The following FBXL17 variants were observed in gnomAD, a reference collection of about 807,000 sequenced individuals.
FBXL17 encodes the protein F-box/LRR-repeat protein 17.
FBXL17 carries 22 observed loss-of-function variants against 66.2 expected under a neutral mutation model. The observed-to-expected ratio is 0.33, with a 90% CI of 0.24 to 0.47. The LOEUF is 0.47. Ranked by LOEUF, FBXL17 falls within the 20% of genes least tolerant of loss-of-function variation. The pLI is 1.00. For synonymous variants in FBXL17, 474 were observed against 400.5 expected, an observed-to-expected ratio of 1.18 and a Z score of -2.19; for missense variants, 878 against 948.2, an observed-to-expected ratio of 0.93 and a Z score of 0.97.
chr5:108,378,222 TAA>T (rs36057058), intron 1 of FBXL17, among the ~76,000 whole-genome samples: 7 of 142,922 alleles, frequency 4.9e-5, no homozygotes, highest in Admixed American at 7.0e-5. Context: ...TCCTCTGCCA[TAA>T]AAAAAAAAAA....
intron 6 of FBXL17, among the ~76,000 whole-genome samples, chr5:108,029,406 C>A (rs745630489): frequency 6.6e-6 from 1 of 152,128 alleles, no homozygotes; most frequent in East Asian, 1.9e-4. Flanking sequence ...AGATTGTACT[C>A]TGAATCCTTT....
Position 107,983,853 on chromosome 5 carries a change from T to C in FBXL17, c.1822+37072A>G, listed in dbSNP as rs541095132. Among the ~76,000 whole-genome samples the C allele has an allele frequency of 7.9e-5, 12 of 152,044 alleles. 1 individual carries two copies. Among genetic ancestry groups the C allele is most frequent in the African/African-American group, 2.2e-4 (9 of 41,436 alleles). On this transcript the variant is annotated intron_variant, in intron 7 of 8. Coordinates refer to ENST00000542267, the MANE Select transcript of FBXL17 (RefSeq NM_001163315.3). ...AGAGACTAGGCATGGCAGGGAATAA[T>C]AGAGGGAGGGAGACAGGAAGAACAG...
At chr5:108,342,912 T>G (rs748690149) in intron 4 of FBXL17, among the ~76,000 whole-genome samples, 1 of 152,172 alleles carries the variant, frequency 6.6e-6, no homozygotes, top group Non-Finnish European at 1.5e-5. Flanking sequence ...AAAACCCATA[T>G]GTTGAAATCC....
chr5:108,347,656 C>G (rs1482012513), intron 4 of FBXL17, among the ~76,000 whole-genome samples: 2 of 152,060 alleles, frequency 1.3e-5, no homozygotes, highest in African/African-American at 4.8e-5. Context: ...AGTAGATTAG[C>G]AGTTGCCAGG....
rs542070595 is a variant in FBXL17 at position 107,912,031 on chromosome 5, A to C, written c.1823-30852T>G. ...TTTGATAATACAAGGTGTAGGCAAG[A>C]ATTAGGAAAATGGACACTTTCTCAT... On this transcript the variant is annotated intron_variant, in intron 7 of 8. Coordinates refer to ENST00000542267, the MANE Select transcript of FBXL17 (RefSeq NM_001163315.3). Among the ~76,000 whole-genome samples, 18 of 152,290 alleles carry C rather than the reference A, an allele frequency of 1.2e-4. No homozygotes were observed. In the South Asian group the frequency reaches 3.5e-3, roughly 30 times the overall value.
chr5:107,949,755 A>T (rs1751437095), intron 7 of FBXL17, among the ~76,000 whole-genome samples: 1 of 152,228 alleles, frequency 6.6e-6, no homozygotes, highest in Non-Finnish European at 1.5e-5. Context: ...AAAATTATTC[A>T]TTTAATCCTC....
intron 7 of FBXL17, among the ~76,000 whole-genome samples, chr5:107,924,836 A>G (rs1225916361): frequency 1.3e-5 from 2 of 152,220 alleles, no homozygotes; most frequent in African/African-American, 2.4e-5. Context: ...CTTGTGCCTA[A>G]TAACACTTGC....
chr5:108,331,174 T>C (rs941519736), intron 4 of FBXL17, among the ~76,000 whole-genome samples: 2 of 152,250 alleles, frequency 1.3e-5, no homozygotes, highest in African/African-American at 4.8e-5. Context: ...AACAAAATTT[T>C]ATCAATTAGT....
At chr5:108,306,277 G>C (rs574013389) in intron 4 of FBXL17, among the ~76,000 whole-genome samples, 60 of 152,184 alleles carry the variant, frequency 3.9e-4, no homozygotes, top group Non-Finnish European at 1.0e-4. Context: ...TGCTGTGAAT[G>C]AGAAACGCTG....
rs1335669725 is a variant in FBXL17, at chr5:108,177,908, A to AAAGTATATATAT, written c.1745+8208_1745+8209insATATATATACTT. On this transcript the variant is annotated intron_variant, in intron 6 of 8. Coordinates refer to ENST00000542267, the MANE Select transcript of FBXL17 (RefSeq NM_001163315.3). Reference sequence around the variant, plus strand: ...CTATTATCCTTGCTCCAGAAAAAAAAATGTATATATATATATATATATATA... The same window carrying AAAGTATATATAT: ...CTATTATCCTTGCTCCAGAAAAAAAAAAGTATATATATATGTATATATATATATATATATATA... 1.0e-3 allele frequency among the ~76,000 whole-genome samples: 73 copies of AAAGTATATATAT among 70,222 alleles called. 1 individual carries two copies. The highest frequency in any genetic ancestry group is 3.1e-3 in the South Asian group (5 of 1,638). The allele number at this position is 70,222 out of a possible 152,430, so 46.1% of individuals were successfully genotyped here.
intron 8 of FBXL17, among the ~76,000 whole-genome samples, chr5:107,864,658 G>T (rs995946039): frequency 6.6e-6 from 1 of 152,064 alleles, no homozygotes; most frequent in East Asian, 1.9e-4. Context: ...AAGTGTGTGT[G>T]GCACCTCCCC....
At chr5:108,074,485 T>A (rs1266432111) in intron 6 of FBXL17, among the ~76,000 whole-genome samples, 3 of 152,074 alleles carry the variant, frequency 2.0e-5, no homozygotes, top group African/African-American at 7.2e-5. Flanking sequence ...ACGTGTTTGG[T>A]CCCTCTGTTT....
chr5:108,145,775 A>AC (rs1175610819), intron 6 of FBXL17, among the ~76,000 whole-genome samples: 1 of 151,552 alleles, frequency 6.6e-6, no homozygotes, highest in Non-Finnish European at 1.5e-5. Context: ...CAGCAAAGGA[A>AC]CCATTTTTCT....
In FBXL17 at chr5:108,381,005, C is replaced by CCCGCCA. The variant is rs1317678869; in HGVS notation, c.681_686dup (p.Gly230_Gly231dup). 6.7e-6 allele frequency: 8 copies of CCCGCCA among 1,193,066 alleles called. No individual in the cohort carries two copies. In the South Asian group the frequency reaches 2.1e-4, roughly 31 times the overall value. 73.9% of individuals were successfully genotyped at this position (1,193,066 alleles called of 1,614,324 possible). A position where few individuals can be genotyped will look rare whatever the true frequency, so the allele number is the denominator to read the frequency against. The stretch of plus-strand genomic sequence containing the variant: ...AAGCGCCTCCCCCCGCAGGCCCTCC[C>CCCGCCA]CCGCCACCGCCGCCGCCGCCGCCGC... On this transcript the variant is annotated inframe_insertion, in exon 1 of 9. Transcript: ENST00000542267.
intron 4 of FBXL17, among the ~76,000 whole-genome samples, chr5:108,233,626 G>A (rs1367353814): frequency 9.9e-5 from 15 of 152,130 alleles, no homozygotes; most frequent in African/African-American, 3.6e-4. Flanking sequence ...GGTAAAGAAC[G>A]ATCTTCTCCT....
At chr5:107,900,894 C>G (rs1749552461) in intron 7 of FBXL17, among the ~76,000 whole-genome samples, 1 of 151,960 alleles carries the variant, frequency 6.6e-6, no homozygotes, top group Non-Finnish European at 1.5e-5. Flanking sequence ...TTATTAGATG[C>G]TAAATATAGT....
chr5:108,323,400 C>A (rs1383073208), intron 4 of FBXL17, among the ~76,000 whole-genome samples: 1 of 151,492 alleles, frequency 6.6e-6, no homozygotes, highest in Non-Finnish European at 1.5e-5. Context: ...TTAAAGGAGG[C>A]AAAAGACTTA....
At chr5:108,296,023 T>C (rs73214575) in intron 4 of FBXL17, among the ~76,000 whole-genome samples, 2,544 of 147,412 alleles carry the variant, frequency 0.017, 72 homozygotes, top group African/African-American at 0.058. Context: ...AGGGAAGAGA[T>C]TGGAGACAAT....
At chr5:108,246,475 C>A (rs1561486270) in intron 4 of FBXL17, among the ~76,000 whole-genome samples, 1 of 152,132 alleles carries the variant, frequency 6.6e-6, no homozygotes. Flanking sequence ...CATGATCATG[C>A]CACTGCACTC....
Sources: allele counts gnomAD v4.1 joint callset (sites outside exome capture counted in the v4.1 genomes callset), GRCh38; gene constraint gnomAD v4.1.1; transcripts MANE v1.5; gene names NCBI Gene and HGNC (gene_info 2026-07-23, HGNC 2026-07-21).